Variants in COPS9 observed in about 807,000 individuals in gnomAD.
The protein encoded by COPS9 is COP9 signalosome complex subunit 9.
Under a neutral mutation model 7.2 loss-of-function variants are expected in COPS9, and 8 were observed. That is an observed-to-expected ratio of 1.11 (90% CI 0.65 to 2.00). The LOEUF (loss-of-function observed/expected upper bound fraction) is 2.00. COPS9 is among the 30% of genes most tolerant of loss of function. COPS9 has a pLI of 0.00. For missense variants in COPS9, 74 were observed against 77.7 expected (o/e 0.95, Z 0.18); for synonymous variants, 39 against 28.7 (o/e 1.36, Z -1.14).
At chr2:240,126,641 A>G (rs114131179), downstream of COPS9, 12 of 1,614,100 alleles carry the variant, frequency 7.4e-6, no homozygotes, top group East Asian at 1.8e-4. Flanking sequence ...CATCACTCTT[A>G]AAACATTTAC....
downstream of COPS9, among the ~76,000 whole-genome samples, chr2:240,129,017 C>A (rs949467151): frequency 6.6e-6 from 1 of 152,266 alleles, no homozygotes; most frequent in Non-Finnish European, 1.5e-5. Flanking sequence ...CTGGGGCTCA[C>A]AGGCCTTGGT....
chr2:240,132,039 G>A lies in COPS9; in HGVS notation c.137-951C>T, dbSNP rs1027442165. On this transcript the variant is annotated intron_variant, in intron 2 of 2. Transcript: ENST00000607357. This position sits in a 1 kb window ranked among gnomAD's most constrained non-coding sequence, Gnocchi z 4.1. ...GCCTCCCGACTGCTGGTTGTGGTTC[G>A]CCGCTAGGAGCACTTTTGCGCAGTC... Among the ~76,000 whole-genome samples the A allele has an allele frequency of 4.6e-5, 7 of 152,142 alleles. No homozygotes were observed. Among genetic ancestry groups the A allele is most frequent in the Admixed American group, 6.5e-5 (1 of 15,282 alleles).
At chr2:240,136,153 A>G in intron 1 of COPS9, 69 bp downstream of exon 1, 1 of 1,239,724 alleles carries the variant, frequency 8.1e-7, no homozygotes. Flanking sequence ...CCCGCGCACC[A>G]GGACGCCGCC....
chr2:240,126,712 T>C (rs1361241065), downstream of COPS9: 1 of 1,614,260 alleles, frequency 6.2e-7, no homozygotes, highest in Admixed American at 1.7e-5. Flanking sequence ...CTGCTTCTTG[T>C]GGTTCTGAGC....
chr2:240,126,762 C>T (rs140948790), downstream of COPS9: 29 of 1,614,082 alleles, frequency 1.8e-5, no homozygotes, highest in African/African-American at 9.3e-5. Flanking sequence ...TTGGTTCTTC[C>T]GTAAACTGTT....
chr2:240,135,354 T>A (rs1407797922), intron 1 of COPS9, among the ~76,000 whole-genome samples: 3 of 152,154 alleles, frequency 2.0e-5, no homozygotes, highest in Non-Finnish European at 4.4e-5. Context: ...TGAGGGTCCA[T>A]CCGTCGGTGC....
intron 1 of COPS9, among the ~76,000 whole-genome samples, chr2:240,134,804 C>T (rs546872526): frequency 2.7e-4 from 41 of 152,268 alleles, no homozygotes; most frequent in African/African-American, 7.9e-4. Flanking sequence ...CAGTAAGCCA[C>T]GCGCATTCTA....
At chr2:240,126,828 A>T (rs982274168), downstream of COPS9, 1 of 1,614,072 alleles carries the variant, frequency 6.2e-7, no homozygotes, top group African/African-American at 1.3e-5. Context: ...GGTGCCACAC[A>T]GCGGATGTTC....
downstream of COPS9, among the ~76,000 whole-genome samples, chr2:240,129,344 G>A (rs2071897292): frequency 6.6e-6 from 1 of 152,062 alleles, no homozygotes; most frequent in Non-Finnish European, 1.5e-5. Context: ...TTTAATTTTT[G>A]TATAGAGAGG....
chr2:240,131,329 A>G (rs1223207156), intron 2 of COPS9, among the ~76,000 whole-genome samples: 1 of 152,228 alleles, frequency 6.6e-6, no homozygotes, highest in Non-Finnish European at 1.5e-5. Context: ...AATCCTAAGA[A>G]AATGCATGCA....
chr2:240,136,340 C>T (rs769187586), upstream of COPS9: 4 of 1,512,044 alleles, frequency 2.6e-6, no homozygotes, highest in South Asian at 1.3e-5. Flanking sequence ...TTCCGGCGCG[C>T]GCCACATGGC....
At chr2:240,131,657 C>T (rs1405450579) in intron 2 of COPS9, among the ~76,000 whole-genome samples, 18 of 152,348 alleles carry the variant, frequency 1.2e-4, no homozygotes, top group East Asian at 5.8e-4. Context: ...GCAGCAAACA[C>T]GTAGTGCCCT....
At chr2:240,136,149 C>A (rs2071988650) in intron 1 of COPS9, 73 bp downstream of exon 1, 5 of 1,388,954 alleles carry the variant, frequency 3.6e-6, no homozygotes. Context: ...GGGACCCGCG[C>A]ACCAGGACGC....
chr2:240,134,122 C>T (rs1407521561), intron 1 of COPS9, 117 bp from the exon 2 acceptor site: 10 of 876,706 alleles, frequency 1.1e-5, no homozygotes, highest in South Asian at 1.5e-5. Context: ...GAAACAGGCT[C>T]AAGTTGGAGT....
chr2:240,135,274 A>G (rs1427554021), intron 1 of COPS9, among the ~76,000 whole-genome samples: 1 of 152,086 alleles, frequency 6.6e-6, no homozygotes, highest in Non-Finnish European at 1.5e-5. Context: ...GCAAACACCA[A>G]TGTGTCCCCC....
intron 2 of COPS9, among the ~76,000 whole-genome samples, chr2:240,131,421 G>A (rs2071921903): frequency 6.6e-6 from 1 of 152,198 alleles, no homozygotes; most frequent in South Asian, 2.1e-4. Flanking sequence ...CTGCACCCAC[G>A]AGTGCACGGG....
At chr2:240,130,448 G>A (rs1051549850), downstream of COPS9, among the ~76,000 whole-genome samples, 6 of 152,232 alleles carry the variant, frequency 3.9e-5, no homozygotes, top group African/African-American at 1.4e-4. Flanking sequence ...GCATTTCCAC[G>A]TAGAAGGCGT....
At chr2:240,135,929 C>T in intron 1 of COPS9, 1 of 463,362 alleles carries the variant, frequency 2.2e-6, no homozygotes, top group Non-Finnish European at 3.7e-6. Context: ...CTCCTCTGAC[C>T]ACGGGTGTGT....
At chr2:240,129,079 C>T (rs1314842462), downstream of COPS9, among the ~76,000 whole-genome samples, 2 of 152,230 alleles carry the variant, frequency 1.3e-5, no homozygotes, top group African/African-American at 4.8e-5. Context: ...TGCGGCAGCT[C>T]TCTTCTCCAC....
Sources: gnomAD v4.1 joint callset for allele counts (sites outside exome capture counted in the v4.1 genomes callset) on GRCh38, gnomAD v4.1.1 for gene constraint, Gnocchi (gnomAD v3.1) non-coding constraint, MANE v1.5 for transcripts, NCBI Gene and HGNC (gene_info 2026-07-23, HGNC 2026-07-21) for gene names.